The following TAFA1 variants were observed in gnomAD, a reference collection of about 807,000 sequenced individuals.
TAFA1 encodes chemokine-like protein TAFA-1.
TAFA1 carries 4 observed loss-of-function variants against 18.5 expected under a neutral mutation model. That is an observed-to-expected ratio of 0.22 (90% CI 0.11 to 0.49). The LOEUF is 0.49. Among genes scored for constraint, TAFA1 ranks in the 20% least tolerant of loss-of-function variants. The probability of loss-of-function intolerance (pLI) is 0.98; values close to 1 mark genes in which losing one functional copy is unlikely to be tolerated. For synonymous variants in TAFA1, 56 were observed against 55.2 expected (o/e 1.01, Z -0.06); for missense variants, 147 against 169.0 (o/e 0.87, Z 0.72).
rs542984696 is a variant in TAFA1, at chr3:68,408,913, A to G, written c.119-8367A>G. ...ACTATTTACATACCAAACAAGTGCC[A>G]GATTTCAAGCTTAGTACTGGAATAG... On this transcript the variant is annotated intron_variant, in intron 2 of 4. Transcript: ENST00000478136. 6.7e-4 allele frequency among the ~76,000 whole-genome samples: 102 copies of G among 152,346 alleles called. No individual in the cohort carries two copies. In the Middle Eastern group the frequency reaches 0.01, roughly 15 times the overall value.
chr3:68,341,613 T>G (rs262209), intron 2 of TAFA1, among the ~76,000 whole-genome samples: 69,577 of 151,938 alleles, frequency 0.46, 16,439 homozygotes, highest in East Asian at 0.73. Flanking sequence ...CTATTACCAA[T>G]TTTGTTGCAG....
At chr3:68,128,136 AGGGGTCACACCATTAAT>A (rs927959832) in intron 2 of TAFA1, among the ~76,000 whole-genome samples, 1 of 152,174 alleles carries the variant, frequency 6.6e-6, no homozygotes, top group African/African-American at 2.4e-5. Context: ...ACAAGCTTAT[AGGGGTCACACCATTAAT>A]GATCAGTGGA....
At chr3:68,396,162 G>A (rs2070380459) in intron 2 of TAFA1, among the ~76,000 whole-genome samples, 1 of 152,096 alleles carries the variant, frequency 6.6e-6, no homozygotes, top group African/African-American at 2.4e-5. Flanking sequence ...TAAAAACCCT[G>A]TTGAGATGAG....
chr3:68,487,613 G>A (rs548880970), intron 3 of TAFA1, among the ~76,000 whole-genome samples: 45 of 151,980 alleles, frequency 3.0e-4, no homozygotes, highest in Non-Finnish European at 5.3e-4. Context: ...TTAGCTGGGC[G>A]TGGTGGCAGG....
At chr3:68,449,265 T>A (rs9824111) in intron 3 of TAFA1, among the ~76,000 whole-genome samples, 5,015 of 152,138 alleles carry the variant, frequency 0.033, 291 homozygotes, top group African/African-American at 0.11. Context: ...GGGAACAGCA[T>A]CATACAGAGC....
At chr3:68,229,748 G>T (rs958638588) in intron 2 of TAFA1, among the ~76,000 whole-genome samples, 1 of 152,140 alleles carries the variant, frequency 6.6e-6, no homozygotes, top group Non-Finnish European at 1.5e-5. Context: ...AAATATAGTT[G>T]TCAATTCTTT....
intron 4 of TAFA1, among the ~76,000 whole-genome samples, chr3:68,543,576 A>G (rs1414335810): frequency 1.3e-5 from 2 of 152,100 alleles, no homozygotes; most frequent in African/African-American, 4.8e-5. Context: ...GCCCAACACA[A>G]ATCCACCTGC....
At position 68,151,760 on chromosome 3, in the gene TAFA1, G is replaced by A. The variant is rs541604447; in HGVS notation, c.118+145016G>A. 1.6e-3 allele frequency among the ~76,000 whole-genome samples: 243 copies of A among 152,160 alleles called. 2 individuals carry two copies. Among genetic ancestry groups the A allele is most frequent in the African/African-American group, 5.7e-3 (237 of 41,498 alleles). On this transcript the variant is annotated intron_variant, in intron 2 of 4. Transcript: ENST00000478136. ...ACCATAATCAACACCGTTGCATTAGGGATTAAGTTTCCATCACATGAACTT... is the reference window on the plus strand; with the variant it reads ...ACCATAATCAACACCGTTGCATTAGAGATTAAGTTTCCATCACATGAACTT...
intron 2 of TAFA1, among the ~76,000 whole-genome samples, chr3:68,297,432 T>C (rs1356616897): frequency 1.3e-5 from 2 of 152,100 alleles, no homozygotes; most frequent in African/African-American, 2.4e-5. Flanking sequence ...TACAACAAAT[T>C]TGATGACAGA....
chr3:68,095,238 T>C (rs2065074673), intron 2 of TAFA1, among the ~76,000 whole-genome samples: 1 of 152,174 alleles, frequency 6.6e-6, no homozygotes. Flanking sequence ...TGACATCCCA[T>C]GAGATGCAAT....
At chr3:68,322,486 G>A (rs1326602874) in intron 2 of TAFA1, among the ~76,000 whole-genome samples, 1 of 152,116 alleles carries the variant, frequency 6.6e-6, no homozygotes, top group Non-Finnish European at 1.5e-5. Flanking sequence ...AGGAGACCCA[G>A]TTTTGGAGAA....
chr3:68,078,295 C>G (rs1160947866), intron 2 of TAFA1, among the ~76,000 whole-genome samples: 1 of 151,320 alleles, frequency 6.6e-6, no homozygotes, highest in African/African-American at 2.4e-5. Flanking sequence ...AATTGAATAC[C>G]CTTTATTTCC....
chr3:68,034,685 G>T (rs1463608102), intron 2 of TAFA1, among the ~76,000 whole-genome samples: 1 of 152,136 alleles, frequency 6.6e-6, no homozygotes, highest in Admixed American at 6.6e-5. Context: ...TGGTGAGGAG[G>T]AACATTTTCT....
At chr3:68,371,907 G>A (rs1037970799) in intron 2 of TAFA1, among the ~76,000 whole-genome samples, 1 of 152,164 alleles carries the variant, frequency 6.6e-6, no homozygotes, top group Non-Finnish European at 1.5e-5. Context: ...TGGGGACATG[G>A]TGATCCAGTG....
At chr3:68,364,419 A>G (rs1287334135) in intron 2 of TAFA1, among the ~76,000 whole-genome samples, 1 of 152,122 alleles carries the variant, frequency 6.6e-6, no homozygotes, top group African/African-American at 2.4e-5. Flanking sequence ...TTCAGGAGGC[A>G]CATCTCCAAA....
At chr3:68,153,225 G>A (rs1462645188) in intron 2 of TAFA1, among the ~76,000 whole-genome samples, 2 of 152,104 alleles carry the variant, frequency 1.3e-5, no homozygotes. Flanking sequence ...GCTCAACCAG[G>A]TGTGTCTATA....
intron 2 of TAFA1, among the ~76,000 whole-genome samples, chr3:68,161,621 T>C (rs2065925822): frequency 6.6e-6 from 1 of 152,202 alleles, no homozygotes; most frequent in African/African-American, 2.4e-5. Context: ...GTAGGCAGGA[T>C]AGTAGGATGG....
intron 2 of TAFA1, among the ~76,000 whole-genome samples, chr3:68,390,316 C>T (rs1275721796): frequency 6.6e-6 from 1 of 152,170 alleles, no homozygotes; most frequent in Non-Finnish European, 1.5e-5. Flanking sequence ...TCCCTCATCT[C>T]TGGGCAGGGC....
At chr3:68,235,153 C>T (rs2066913707) in intron 2 of TAFA1, among the ~76,000 whole-genome samples, 2 of 152,166 alleles carry the variant, frequency 1.3e-5, no homozygotes, top group African/African-American at 4.8e-5. Flanking sequence ...TATTTCCTCA[C>T]ATATGGCAAC....
Sources: gnomAD v4.1 joint callset for allele counts (sites outside exome capture counted in the v4.1 genomes callset) on GRCh38, gnomAD v4.1.1 for gene constraint, MANE v1.5 for transcripts, NCBI Gene and HGNC (gene_info 2026-07-23, HGNC 2026-07-21) for gene names.